Variants in THSD7A observed in about 807,000 individuals in gnomAD.
The protein encoded by THSD7A is thrombospondin type-1 domain-containing protein 7A.
In THSD7A, 96 loss-of-function variants were observed where a neutral mutation model predicts 231.3. The observed-to-expected ratio is 0.41, with a 90% CI of 0.35 to 0.49. THSD7A has a LOEUF of 0.49. Among genes scored for constraint, THSD7A ranks in the 20% least tolerant of loss-of-function variants. THSD7A has a pLI of 0.05. For missense variants in THSD7A, 2,290 were observed against 2,070.2 expected (o/e 1.11, Z -2.06); for synonymous variants, 940 against 743.3 (o/e 1.26, Z -4.30).
chr7:11,639,217 G>A (rs1482567153), intron 1 of THSD7A, among the ~76,000 whole-genome samples: 1 of 152,016 alleles, frequency 6.6e-6, no homozygotes, highest in African/African-American at 2.4e-5. Context: ...TTTTTTTCCA[G>A]TTTTTAAAAT....
chr7:11,729,861 T>C (rs1307449311), intron 1 of THSD7A, among the ~76,000 whole-genome samples: 1 of 151,770 alleles, frequency 6.6e-6, no homozygotes, highest in Non-Finnish European at 1.5e-5. Context: ...ATTTTTTCAC[T>C]TGTTTAAAAA....
intron 23 of THSD7A, 84 bp from the exon 24 acceptor site, chr7:11,382,700 C>T (rs1291851624): frequency 1.9e-6 from 2 of 1,035,654 alleles, no homozygotes; most frequent in Non-Finnish European, 3.0e-6. Flanking sequence ...TAACATATTA[C>T]TGAAAAGTAA....
At chr7:11,671,695 T>G (rs1783402374) in intron 1 of THSD7A, among the ~76,000 whole-genome samples, 1 of 152,092 alleles carries the variant, frequency 6.6e-6, no homozygotes, top group Non-Finnish European at 1.5e-5. Context: ...TATACAGAAG[T>G]TTCAATTAAG....
chr7:11,737,541 C>A (rs1562518060), intron 1 of THSD7A, among the ~76,000 whole-genome samples: 2 of 151,982 alleles, frequency 1.3e-5, no homozygotes. Context: ...AAACTCTGTG[C>A]AAAGGTGCCA....
intron 1 of THSD7A, among the ~76,000 whole-genome samples, chr7:11,763,590 C>T (rs546192953): frequency 1.3e-5 from 2 of 152,108 alleles, no homozygotes; most frequent in South Asian, 2.1e-4. Context: ...AAACAATCAA[C>T]TCAAAAAATG....
chr7:11,498,496 C>T (rs942169956), intron 6 of THSD7A, among the ~76,000 whole-genome samples: 6 of 152,200 alleles, frequency 3.9e-5, no homozygotes, highest in African/African-American at 7.2e-5. Context: ...TGGGACTGCA[C>T]TCCCAGAGGG....
At chr7:11,735,781 G>A (rs915442869) in intron 1 of THSD7A, among the ~76,000 whole-genome samples, 2 of 151,764 alleles carry the variant, frequency 1.3e-5, no homozygotes, top group Non-Finnish European at 2.9e-5. Context: ...GTAGATAATG[G>A]CAAGTTTGAT....
chr7:11,642,783 A>G (rs1007657899), intron 1 of THSD7A, among the ~76,000 whole-genome samples: 1 of 152,136 alleles, frequency 6.6e-6, no homozygotes, highest in Non-Finnish European at 1.5e-5. Flanking sequence ...AAATGTTGAT[A>G]AAATAATGAA....
intron 1 of THSD7A, among the ~76,000 whole-genome samples, chr7:11,816,359 G>A (rs10270467): frequency 0.32 from 48,966 of 152,122 alleles, 8,302 homozygotes; most frequent in East Asian, 0.52. Context: ...ACAGATACAT[G>A]TAATCCACAT....
At chr7:11,695,036 C>A (rs1780346090) in intron 1 of THSD7A, among the ~76,000 whole-genome samples, 1 of 151,450 alleles carries the variant, frequency 6.6e-6, no homozygotes, top group African/African-American at 2.4e-5. Context: ...AGATATTATT[C>A]TTCATGTTTT....
intron 15 of THSD7A, 143 bp from the exon 16 acceptor site, chr7:11,424,972 G>C: frequency 9.7e-7 from 1 of 1,036,092 alleles, no homozygotes; most frequent in Non-Finnish European, 1.4e-6. Context: ...CATTGCAATA[G>C]AGAGAACTCA....
At chr7:11,760,174 G>T (rs1282843709) in intron 1 of THSD7A, among the ~76,000 whole-genome samples, 1 of 152,018 alleles carries the variant, frequency 6.6e-6, no homozygotes, top group Non-Finnish European at 1.5e-5. Context: ...TGAAAGAATT[G>T]TAATAAAATG....
chr7:11,641,357 T>C (rs7807044), intron 1 of THSD7A, among the ~76,000 whole-genome samples: 67,755 of 151,892 alleles, frequency 0.45, 15,324 homozygotes, highest in South Asian at 0.64. Flanking sequence ...AGTTAGTTTA[T>C]AGATCTTAAT....
chr7:11,599,547 A>G (rs986402169), intron 2 of THSD7A, among the ~76,000 whole-genome samples: 1 of 152,148 alleles, frequency 6.6e-6, no homozygotes, highest in Admixed American at 6.5e-5. Flanking sequence ...TACTGACTTC[A>G]TATCAGTATT....
At chr7:11,445,084 A>T (rs910600528) in intron 13 of THSD7A, among the ~76,000 whole-genome samples, 2 of 151,860 alleles carry the variant, frequency 1.3e-5, no homozygotes, top group African/African-American at 4.8e-5. Flanking sequence ...TGAACCATAT[A>T]ATAAAACTGG....
chr7:11,379,821 G>A (rs1454919154), intron 24 of THSD7A, 109 bp from the exon 25 acceptor site: 6 of 1,194,318 alleles, frequency 5.0e-6, no homozygotes, highest in Non-Finnish European at 7.2e-6. Flanking sequence ...GGAATCCCAG[G>A]AATTTTTCTG....
chr7:11,512,942 GATAT>G lies in THSD7A; in HGVS notation c.1822+28473_1822+28476del, dbSNP rs59121982. 1.9e-4 allele frequency among the ~76,000 whole-genome samples: 19 copies of G among 101,970 alleles called. 1 individual carries two copies. Among genetic ancestry groups the G allele is most frequent in the African/African-American group, 7.0e-4 (15 of 21,572 alleles). 66.9% of individuals were successfully genotyped at this position (101,970 alleles called of 152,430 possible). Reference sequence around the variant, plus strand: ...TAAAGTATAATAAAAAAGAAACTATGATATATATATATATATATGTAAAATACTA... The same window carrying G: ...TAAAGTATAATAAAAAAGAAACTATGATATATATATATATGTAAAATACTA... On this transcript the variant is annotated intron_variant, in intron 6 of 27. Coordinates refer to ENST00000423059, the MANE Select transcript of THSD7A (RefSeq NM_015204.3).
chr7:11,589,487 C>T (rs1350805988), intron 4 of THSD7A, among the ~76,000 whole-genome samples: 2 of 152,166 alleles, frequency 1.3e-5, no homozygotes, highest in African/African-American at 2.4e-5. Context: ...TTCTACTACT[C>T]CCTTACGCTC....
At chr7:11,464,906 C>G (rs1785639494) in intron 9 of THSD7A, among the ~76,000 whole-genome samples, 1 of 152,142 alleles carries the variant, frequency 6.6e-6, no homozygotes, top group East Asian at 1.9e-4. Context: ...CGCTGTAGAG[C>G]TTTGCCAGGT....
Sources: allele counts gnomAD v4.1 joint callset (sites outside exome capture counted in the v4.1 genomes callset), GRCh38; gene constraint gnomAD v4.1.1; transcripts MANE v1.5; gene names NCBI Gene and HGNC (gene_info 2026-07-23, HGNC 2026-07-21).